Variants in DST observed in about 807,000 individuals in gnomAD.
The protein encoded by DST is bullous pemphigoid antigen.
Under a neutral mutation model 875.2 loss-of-function variants are expected in DST, and 253 were observed. The observed-to-expected ratio is 0.29, with a 90% CI of 0.26 to 0.32. The LOEUF is 0.32. DST is among the 10% of genes least tolerant of loss of function. The probability of loss-of-function intolerance (pLI) is 1.00; values close to 1 mark genes in which losing one functional copy is unlikely to be tolerated. For synonymous variants in DST, 3,124 were observed against 3,197.1 expected (o/e 0.98, Z 0.77); for missense variants, 8,287 against 9,111.6 (o/e 0.91, Z 3.68).
chr6:56,908,354 C>T (rs1363268348), intron 2 of DST, among the ~76,000 whole-genome samples: 1 of 151,982 alleles, frequency 6.6e-6, no homozygotes, highest in Non-Finnish European at 1.5e-5. Context: ...AACTTGGATG[C>T]AGAAAAAATA....
intron 4 of DST, among the ~76,000 whole-genome samples, chr6:56,757,552 G>A (rs1299605831): frequency 6.6e-6 from 1 of 152,120 alleles, no homozygotes; most frequent in Non-Finnish European, 1.5e-5. Context: ...GGGACACATG[G>A]TAGCCTGGAA....
chr6:56,631,046 G>A (rs1392385582), intron 30 of DST, among the ~76,000 whole-genome samples, 165 bp downstream of exon 30: 3 of 152,006 alleles, frequency 2.0e-5, no homozygotes, highest in Non-Finnish European at 4.4e-5. Flanking sequence ...GCCTCCCAAA[G>A]TGCTGGGATT....
chr6:56,912,153 G>C (rs888496485), intron 2 of DST, among the ~76,000 whole-genome samples: 4 of 152,164 alleles, frequency 2.6e-5, no homozygotes, highest in Non-Finnish European at 5.9e-5. Flanking sequence ...AGAGCAGGCT[G>C]TTTCCAGTGC....
At chr6:56,800,542 C>G (rs566987637) in intron 4 of DST, among the ~76,000 whole-genome samples, 9 of 152,196 alleles carry the variant, frequency 5.9e-5, no homozygotes, top group African/African-American at 2.2e-4. Flanking sequence ...AGGATGAGAA[C>G]ATCCCCAGCG....
rs2099771066 is a variant in DST at position 56,819,905 on chromosome 6, A to G, written c.625+31492T>C. Among the ~76,000 whole-genome samples the G allele has an allele frequency of 2.6e-5, 4 of 152,242 alleles. No individual in the cohort carries two copies. The South Asian group carries it at 8.3e-4, about 31-fold the overall frequency. ...TGATTTATATAAGCATTCATATATT[A>G]AGGATAGTAACATTTCGTCATAAAT... is the stretch of plus-strand genomic sequence containing the variant. On this transcript the variant is annotated intron_variant, in intron 4 of 103. Transcript: ENST00000680361.
At chr6:56,504,778 C>A (rs1488372865) in intron 77 of DST, among the ~76,000 whole-genome samples, 1 of 152,128 alleles carries the variant, frequency 6.6e-6, no homozygotes, top group Non-Finnish European at 1.5e-5. Context: ...TCACTGTAAC[C>A]TCAAACTCCT....
chr6:56,516,726 G>C (rs1002475607), intron 71 of DST, among the ~76,000 whole-genome samples: 5 of 152,088 alleles, frequency 3.3e-5, no homozygotes. Context: ...CAAGCTGAAT[G>C]CTTCCTTAAT....
chr6:56,617,865 A>G, intron 36 of DST: 1 of 812,258 alleles, frequency 1.2e-6, no homozygotes, highest in Non-Finnish European at 2.1e-6. Flanking sequence ...TTTTCCTGTC[A>G]GAACTACAAT....
intron 3 of DST, among the ~76,000 whole-genome samples, chr6:56,857,590 T>C (rs1228104532): frequency 1.3e-5 from 2 of 152,220 alleles, no homozygotes; most frequent in Non-Finnish European, 2.9e-5. Context: ...ATTAATAATG[T>C]ACAATACAGT....
chr6:56,645,870 C>T lies in DST; in HGVS notation c.1774G>A (p.Glu592Lys). Residue 592 changes from glutamate (E) to lysine (K), a missense_variant, in exon 15 of 104, where the codon GAA becomes AAA. Coordinates refer to ENST00000680361, the MANE Select transcript of DST (RefSeq NM_001374736.1). ...EREKALRPEV[E>K]RLEMLQQIAN... Reference sequence around the variant, plus strand: ...CAGAAAACACCTCTGGCCTACCTTTCTACTTCTGGACGAAGGGCCTTCTCT... The same window carrying T: ...CAGAAAACACCTCTGGCCTACCTTTTTACTTCTGGACGAAGGGCCTTCTCT... 2 of 1,613,364 alleles carry T rather than the reference C, an allele frequency of 1.2e-6. No homozygotes were observed. The highest frequency in any genetic ancestry group is 2.2e-5 in the East Asian group (1 of 44,862).
At chr6:56,513,113 ACT>A (rs1027164364) in intron 72 of DST, among the ~76,000 whole-genome samples, 8 of 152,008 alleles carry the variant, frequency 5.3e-5, no homozygotes, top group African/African-American at 1.9e-4. Flanking sequence ...TTATCAAGAG[ACT>A]CTCAAATAAA....
At chr6:56,951,970 T>C (rs1262681946) in intron 2 of DST, among the ~76,000 whole-genome samples, 3 of 149,016 alleles carry the variant, frequency 2.0e-5, no homozygotes, top group East Asian at 1.9e-4. Context: ...CACTAGGAGA[T>C]TTTTTTTTTC....
chr6:56,743,408 T>G (rs1404609944), intron 4 of DST, among the ~76,000 whole-genome samples: 3 of 152,216 alleles, frequency 2.0e-5, no homozygotes, highest in Non-Finnish European at 4.4e-5. Flanking sequence ...CTATTCTAAA[T>G]ATACTGTAAA....
chr6:56,919,853 A>T (rs902365309), intron 2 of DST, among the ~76,000 whole-genome samples: 5 of 152,182 alleles, frequency 3.3e-5, no homozygotes, highest in African/African-American at 1.2e-4. Context: ...AGACTGAGGC[A>T]GAAGAATTGC....
intron 3 of DST, among the ~76,000 whole-genome samples, chr6:56,862,711 G>A (rs1246877316): frequency 6.6e-6 from 1 of 152,144 alleles, no homozygotes; most frequent in Non-Finnish European, 1.5e-5. Flanking sequence ...AATGATGAGA[G>A]CCTGAACTAA....
At chr6:56,649,826 T>C (rs1196681964) in intron 12 of DST, among the ~76,000 whole-genome samples, 2 of 152,182 alleles carry the variant, frequency 1.3e-5, no homozygotes, top group Non-Finnish European at 2.9e-5. Context: ...TTAGACAGAT[T>C]AATTTGGCAA....
intron 3 of DST, chr6:56,871,069 G>A (rs1217017437): frequency 4.2e-6 from 2 of 478,466 alleles, no homozygotes; most frequent in African/African-American, 3.9e-5. Flanking sequence ...AAATGAAATG[G>A]ACAGACATTT....
intron 9 of DST, among the ~76,000 whole-genome samples, chr6:56,681,003 A>ACC (rs1236279126): frequency 2.6e-5 from 4 of 152,224 alleles, no homozygotes; most frequent in Non-Finnish European, 5.9e-5. Flanking sequence ...TAATAATATG[A>ACC]CCTGCTCAAG....
chr6:56,644,842 C>T (rs2098932792), intron 15 of DST, among the ~76,000 whole-genome samples: 1 of 152,130 alleles, frequency 6.6e-6, no homozygotes, highest in African/African-American at 2.4e-5. Context: ...GTGTCCCCAC[C>T]CAAATCTCAT....
Sources: gnomAD v4.1 joint callset for allele counts (sites outside exome capture counted in the v4.1 genomes callset) on GRCh38, gnomAD v4.1.1 for gene constraint, MANE v1.5 for transcripts, NCBI Gene and HGNC (gene_info 2026-07-23, HGNC 2026-07-21) for gene names.